Variants in ETF1 observed in about 807,000 individuals in gnomAD.
ETF1 encodes eukaryotic translation termination factor 1, also known as eukaryotic peptide chain release factor subunit 1.
Under a neutral mutation model 55.1 loss-of-function variants are expected in ETF1, and 4 were observed. The observed-to-expected ratio is 0.07, with a 90% CI of 0.04 to 0.17. ETF1 has a LOEUF of 0.17. Ranked by LOEUF, ETF1 falls within the 10% of genes least tolerant of loss-of-function variation. The pLI is 1.00. For synonymous variants in ETF1, 157 were observed against 182.3 expected (o/e 0.86, Z 1.12); for missense variants, 142 against 523.6 (o/e 0.27, Z 7.11).
intron 6 of ETF1, chr5:138,511,963 T>C (rs1581017340): frequency 2.3e-6 from 2 of 853,514 alleles, no homozygotes; most frequent in Non-Finnish European, 2.8e-6. Flanking sequence ...TTTGGGAAGC[T>C]AGGAGAGGCA....
chr5:138,518,935 TA>T (rs1291484131), intron 2 of ETF1, 68 bp from the exon 3 acceptor site: 1 of 1,586,168 alleles, frequency 6.3e-7, no homozygotes, highest in East Asian at 2.2e-5. Context: ...TTCTCTCTGG[TA>T]AAAGCAAGCT....
intron 2 of ETF1, among the ~76,000 whole-genome samples, chr5:138,533,904 C>T (rs1765807138): frequency 6.6e-6 from 1 of 152,180 alleles, no homozygotes; most frequent in African/African-American, 2.4e-5. Context: ...TGCCACCCCA[C>T]TCCCTCTGCT....
intron 9 of ETF1, 182 bp from the exon 10 acceptor site, chr5:138,508,998 C>T (rs779715689): frequency 1.3e-5 from 13 of 983,130 alleles, no homozygotes; most frequent in African/African-American, 1.7e-5. Flanking sequence ...CAGAGAAATT[C>T]GGATTATTTC....
intron 2 of ETF1, among the ~76,000 whole-genome samples, chr5:138,524,511 C>T (rs552034950): frequency 1.3e-5 from 2 of 151,320 alleles, no homozygotes; most frequent in Admixed American, 6.6e-5. Flanking sequence ...CGTGATCACA[C>T]CACTGCACTT....
chr5:138,542,820 A>T lies in ETF1; in HGVS notation c.86+13T>A. On this transcript the variant is annotated intron_variant, in intron 2 of 10. Coordinates refer to ENST00000360541, the MANE Select transcript of ETF1 (RefSeq NM_004730.4). ...ACCAAGAGGGCACGGAGGGTGCCGG[A>T]CGCGGCGCTCACCCGCGGGCCGCCT... 4 of 1,611,896 alleles carry T rather than the reference A, an allele frequency of 2.5e-6. No individual in the cohort carries two copies. The highest frequency in any genetic ancestry group is 3.4e-6 in the Non-Finnish European group (4 of 1,179,568).
intron 2 of ETF1, among the ~76,000 whole-genome samples, chr5:138,528,460 G>GT (rs1765566917): frequency 6.6e-6 from 1 of 152,188 alleles, no homozygotes; most frequent in South Asian, 2.1e-4. Flanking sequence ...CCATATCCAT[G>GT]TAACATTCCA....
chr5:138,524,024 A>G (rs939587672), intron 2 of ETF1, among the ~76,000 whole-genome samples: 2 of 152,092 alleles, frequency 1.3e-5, no homozygotes, highest in Non-Finnish European at 2.9e-5. Context: ...TAAAAATACA[A>G]AAAGTTGCTG....
At position 138,510,527 on chromosome 5, in the gene ETF1, C is replaced by A. The variant is rs1249165159; in HGVS notation, c.1083+38G>T. On this transcript the variant is annotated intron_variant, in intron 9 of 10. Coordinates refer to ENST00000360541, the MANE Select transcript of ETF1 (RefSeq NM_004730.4). ...CAGTACTCTAACACACGGATTTACG[C>A]TTGCACGTATCATCAAACCAAGAAA... 11 of 1,494,812 alleles carry A rather than the reference C, an allele frequency of 7.4e-6. No homozygotes were observed. The Admixed American group carries it at 1.3e-4, about 18-fold the overall frequency. The allele number at this position is 1,494,812 out of a possible 1,614,324, so 92.6% of individuals were successfully genotyped here. A position where few individuals can be genotyped will look rare whatever the true frequency, so the allele number is the denominator to read the frequency against.
chr5:138,534,152 T>C (rs1198721250), intron 2 of ETF1, among the ~76,000 whole-genome samples: 1 of 152,160 alleles, frequency 6.6e-6, no homozygotes, highest in Admixed American at 6.5e-5. Context: ...ACAGAATAAC[T>C]CAGATGTCCA....
chr5:138,538,151 A>G (rs1237969341), intron 2 of ETF1, among the ~76,000 whole-genome samples: 1 of 148,736 alleles, frequency 6.7e-6, no homozygotes, highest in East Asian at 2.0e-4. Context: ...TGGCCTCCCA[A>G]AGTGCTAGGA....
At chr5:138,539,359 C>T (rs1766080568) in intron 2 of ETF1, among the ~76,000 whole-genome samples, 2 of 152,308 alleles carry the variant, frequency 1.3e-5, no homozygotes, top group South Asian at 4.2e-4. Context: ...AATAATTCTC[C>T]CCCTTTTTCC....
At chr5:138,532,052 A>T (rs1765723928) in intron 2 of ETF1, among the ~76,000 whole-genome samples, 1 of 43,594 alleles carries the variant, frequency 2.3e-5, no homozygotes, top group Non-Finnish European at 5.0e-5. Flanking sequence ...CCTCAAAAAA[A>T]TAAAATAAAA....
chr5:138,510,527 C>T (rs1249165159), intron 9 of ETF1, 38 bp downstream of exon 9: 2 of 1,494,930 alleles, frequency 1.3e-6, no homozygotes, highest in Non-Finnish European at 1.9e-6. Context: ...CGGATTTACG[C>T]TTGCACGTAT....
intron 2 of ETF1, among the ~76,000 whole-genome samples, chr5:138,523,976 A>C (rs1241787924): frequency 1.3e-5 from 2 of 152,142 alleles, no homozygotes; most frequent in Admixed American, 1.3e-4. Context: ...CAGGGGTTCA[A>C]GACCAGCCTA....
intron 2 of ETF1, among the ~76,000 whole-genome samples, chr5:138,520,220 G>C (rs559365481): frequency 6.8e-6 from 1 of 147,868 alleles, no homozygotes; most frequent in Admixed American, 6.9e-5. Context: ...AAAAACGACA[G>C]AAGATCCAAA....
intron 2 of ETF1, among the ~76,000 whole-genome samples, chr5:138,525,627 T>C (rs866152206): frequency 1.3e-5 from 2 of 152,056 alleles, no homozygotes; most frequent in African/African-American, 4.8e-5. Flanking sequence ...GCTGATCTGA[T>C]ATGAACCGAA....
intron 4 of ETF1, among the ~76,000 whole-genome samples, chr5:138,514,465 T>A (rs1764934939): frequency 6.6e-6 from 1 of 152,174 alleles, no homozygotes; most frequent in South Asian, 2.1e-4. Context: ...AAGGCTTTAG[T>A]CTGGGAGGTG....
intron 6 of ETF1, among the ~76,000 whole-genome samples, chr5:138,512,196 T>C (rs1312684661): frequency 2.4e-4 from 1 of 4,130 alleles, no homozygotes; most frequent in African/African-American, 8.7e-4. Context: ...AGACCCAGTC[T>C]CAAAAAAAAA....
At chr5:138,510,668 T>C (rs1435469174) in intron 8 of ETF1, 39 bp from the exon 9 acceptor site, 2 of 1,611,254 alleles carry the variant, frequency 1.2e-6, no homozygotes, top group South Asian at 2.2e-5. Context: ...AACCTGGCTC[T>C]CATATACTAA....
Sources: allele counts gnomAD v4.1 joint callset (sites outside exome capture counted in the v4.1 genomes callset), GRCh38; gene constraint gnomAD v4.1.1; transcripts MANE v1.5; gene names NCBI Gene and HGNC (gene_info 2026-07-23, HGNC 2026-07-21).